The following SLC8A1 variants were observed in gnomAD, a reference collection of about 807,000 sequenced individuals.
SLC8A1 encodes solute carrier family 8 member A1.
Under a neutral mutation model 68.3 loss-of-function variants are expected in SLC8A1, and 18 were observed. That is an observed-to-expected ratio of 0.26 (90% CI 0.18 to 0.39). The LOEUF is 0.39. Ranked by LOEUF, SLC8A1 falls within the 10% of genes least tolerant of loss-of-function variation. The probability of loss-of-function intolerance (pLI) is 1.00; values close to 1 mark genes in which losing one functional copy is unlikely to be tolerated. For missense variants in SLC8A1, 985 were observed against 1,156.7 expected (o/e 0.85, Z 2.15); for synonymous variants, 475 against 415.5 (o/e 1.14, Z -1.74).
upstream of SLC8A1, among the ~76,000 whole-genome samples, chr2:40,456,759 T>C (rs1302864444): frequency 2.0e-5 from 3 of 152,240 alleles, no homozygotes; most frequent in African/African-American, 7.2e-5. Flanking sequence ...ATAAACATGA[T>C]GTCAATGTAA....
chr2:40,302,446 T>TGC (rs1175465865), intron 2 of SLC8A1, among the ~76,000 whole-genome samples: 58 of 150,268 alleles, frequency 3.9e-4, no homozygotes, highest in Non-Finnish European at 6.9e-4. Context: ...ATTGTGTGTG[T>TGC]GTGTGTGTGT....
At chr2:40,357,480 G>A (rs1160503637) in intron 2 of SLC8A1, among the ~76,000 whole-genome samples, 1 of 132,914 alleles carries the variant, frequency 7.5e-6, no homozygotes, top group Non-Finnish European at 1.6e-5. Context: ...CTGGGCAACA[G>A]AGCCAGACCC....
chr2:40,212,523 C>T (rs894180105), intron 2 of SLC8A1, among the ~76,000 whole-genome samples: 11 of 151,930 alleles, frequency 7.2e-5, no homozygotes, highest in Non-Finnish European at 1.5e-4. Context: ...GACCTTGCAA[C>T]GTGTCTGTGT....
chr2:40,262,176 T>C (rs979774449), intron 2 of SLC8A1, among the ~76,000 whole-genome samples: 2 of 152,162 alleles, frequency 1.3e-5, no homozygotes, highest in African/African-American at 2.4e-5. Context: ...TTGGCCAGGA[T>C]GGTCTCGATC....
intron 6 of SLC8A1, among the ~76,000 whole-genome samples, chr2:40,158,885 C>A (rs2148438393): frequency 6.6e-6 from 1 of 152,260 alleles, no homozygotes; most frequent in Non-Finnish European, 1.5e-5. Context: ...GTATTAACAT[C>A]TTTATAGTTG....
intron 4 of SLC8A1, among the ~76,000 whole-genome samples, chr2:40,172,350 C>T (rs1413157034): frequency 6.6e-6 from 1 of 152,134 alleles, no homozygotes; most frequent in Admixed American, 6.6e-5. Context: ...CTTGTTCTAA[C>T]TGCATTAATT....
chr2:40,108,574 T>G (rs2034367877), exon 8 of SLC8A1: 1 of 152,222 alleles, frequency 6.6e-6, no homozygotes, highest in African/African-American at 2.4e-5. Flanking sequence ...GATTTCTTCC[T>G]TGGAGTATTT....
At chr2:40,184,375 T>C (rs914635875) in intron 2 of SLC8A1, among the ~76,000 whole-genome samples, 1 of 152,130 alleles carries the variant, frequency 6.6e-6, no homozygotes, top group Non-Finnish European at 1.5e-5. Context: ...CATGGGAAGA[T>C]CATTTTGTTT....
Position 40,246,806 on chromosome 2 carries a change from A to G in SLC8A1, c.1809-68951T>C, listed in dbSNP as rs183843284. On this transcript the variant is annotated intron_variant, in intron 2 of 7. Coordinates refer to ENST00000406785, the Ensembl canonical transcript of SLC8A1. ...TCTGGCTACTTTTTCATAGGATTCT[A>G]TTATGACACCTCAGAGGAATTTTTT... 1.3e-4 allele frequency among the ~76,000 whole-genome samples: 20 copies of G among 152,292 alleles called. No individual in the cohort carries two copies. In the East Asian group the frequency reaches 3.5e-3, roughly 26 times the overall value.
intron 2 of SLC8A1, among the ~76,000 whole-genome samples, chr2:40,239,695 AAAAC>A (rs2060946083): frequency 6.6e-6 from 1 of 152,186 alleles, no homozygotes; most frequent in African/African-American, 2.4e-5. Context: ...AACAAAAACA[AAAAC>A]AAAAAAACTG....
intron 2 of SLC8A1, among the ~76,000 whole-genome samples, chr2:40,333,867 G>A (rs1480004118): frequency 6.6e-6 from 1 of 152,080 alleles, no homozygotes; most frequent in African/African-American, 2.4e-5. Context: ...GGACCAACAT[G>A]GTGAAACCCT....
At chr2:40,435,798 A>G (rs376335618) in intron 1 of SLC8A1, among the ~76,000 whole-genome samples, 1 of 152,222 alleles carries the variant, frequency 6.6e-6, no homozygotes, top group East Asian at 1.9e-4. Context: ...TTTTTGAGAC[A>G]TAGTCTTGCT....
At chr2:40,397,397 C>G (rs1002118715) in intron 2 of SLC8A1, among the ~76,000 whole-genome samples, 1 of 152,162 alleles carries the variant, frequency 6.6e-6, no homozygotes, top group Non-Finnish European at 1.5e-5. Flanking sequence ...ATTCCATAGT[C>G]AAAGCTCATC....
At chr2:40,446,022 C>G (rs1483157102) in intron 1 of SLC8A1, among the ~76,000 whole-genome samples, 1 of 152,072 alleles carries the variant, frequency 6.6e-6, no homozygotes, top group African/African-American at 2.4e-5. Context: ...CAAAGGGTGG[C>G]CCTGGGTCCT....
At chr2:40,260,446 C>T (rs542588827) in intron 2 of SLC8A1, among the ~76,000 whole-genome samples, 29 of 152,302 alleles carry the variant, frequency 1.9e-4, no homozygotes, top group African/African-American at 7.0e-4. Flanking sequence ...TTCCAACCTA[C>T]TCTGATTGAC....
intron 5 of SLC8A1, among the ~76,000 whole-genome samples, chr2:40,161,257 T>C (rs1261829119): frequency 6.6e-6 from 1 of 152,202 alleles, no homozygotes; most frequent in East Asian, 1.9e-4. Context: ...TATCTGCGAA[T>C]AGCCGGAAGT....
At chr2:40,340,242 T>G (rs368039967) in intron 2 of SLC8A1, among the ~76,000 whole-genome samples, 1 of 152,094 alleles carries the variant, frequency 6.6e-6, no homozygotes, top group African/African-American at 2.4e-5. Flanking sequence ...CCTATTTCTG[T>G]GAGTTGATTT....
At chr2:40,284,354 T>G (rs908257807) in intron 2 of SLC8A1, among the ~76,000 whole-genome samples, 1 of 92,740 alleles carries the variant, frequency 1.1e-5, no homozygotes, top group Non-Finnish European at 2.5e-5. Flanking sequence ...TAAATATATA[T>G]AGATATATAC....
intron 2 of SLC8A1, among the ~76,000 whole-genome samples, chr2:40,253,866 G>A (rs1266366432): frequency 1.4e-5 from 2 of 143,954 alleles, no homozygotes; most frequent in South Asian, 2.2e-4. Context: ...AGGCTAGGAA[G>A]GACAGCAGGA....
Sources: gnomAD v4.1 joint callset for allele counts (sites outside exome capture counted in the v4.1 genomes callset) on GRCh38, gnomAD v4.1.1 for gene constraint, MANE v1.5 for transcripts, NCBI Gene and HGNC (gene_info 2026-07-23, HGNC 2026-07-21) for gene names.